The following LONP2 variants were observed in gnomAD, a reference collection of about 807,000 sequenced individuals.
The protein encoded by LONP2 is lon peptidase 2, peroxisomal.
Under a neutral mutation model 85.6 loss-of-function variants are expected in LONP2, and 60 were observed. The observed-to-expected ratio is 0.70, with a 90% CI of 0.57 to 0.87. The LOEUF (loss-of-function observed/expected upper bound fraction) is 0.87, where lower values mean the gene tolerates loss of function less well. Ranked by LOEUF, LONP2 falls within the 40% of genes least tolerant of loss-of-function variation. LONP2 has a pLI of 0.00. For missense variants in LONP2, 860 were observed against 1,063.5 expected (o/e 0.81, Z 2.66); for synonymous variants, 395 against 389.7 (o/e 1.01, Z -0.16).
At chr16:48,250,748 G>A (rs1971623974) in intron 1 of LONP2, among the ~76,000 whole-genome samples, 1 of 152,180 alleles carries the variant, frequency 6.6e-6, no homozygotes, top group South Asian at 2.1e-4. Context: ...TTATGTTTAA[G>A]TTATTCTCTA....
In LONP2 at chr16:48,258,869, A is replaced by G. The variant is rs1487144355; in HGVS notation, c.723+129A>G. On this transcript the variant is annotated intron_variant, in intron 4 of 14. Transcript: ENST00000285737. ...GATAAAATTTAGGTGTTTCCCTCTC[A>G]TCCTTTTCTTTGCCTGGATTTTTTT... 1.8e-5 allele frequency: 15 copies of G among 842,960 alleles called. No homozygotes were observed. In the South Asian group the frequency reaches 3.9e-4, roughly 22 times the overall value. 52.2% of individuals were successfully genotyped at this position (842,960 alleles called of 1,614,324 possible). A position where few individuals can be genotyped will look rare whatever the true frequency, so the allele number is the denominator to read the frequency against.
rs186395484 is a variant in LONP2 at position 48,353,117 on chromosome 16, T to G, written c.*1315T>G. ...CAATGTATAGTAATATTAAGCAATT[T>G]CTAGTTATTATTCTAGCCAGTAATG... On this transcript the variant is annotated 3_prime_UTR_variant, in exon 15 of 15. Coordinates refer to ENST00000285737, the MANE Select transcript of LONP2 (RefSeq NM_031490.5). The G allele has an allele frequency of 6.6e-6, 1 of 152,202 alleles. No homozygotes were observed. The highest frequency in any genetic ancestry group is 2.4e-5 in the African/African-American group (1 of 41,452). The allele number at this position is 152,202 out of a possible 1,614,324, so 9.4% of individuals were successfully genotyped here. A position where few individuals can be genotyped will look rare whatever the true frequency, so the allele number is the denominator to read the frequency against.
intron 11 of LONP2, among the ~76,000 whole-genome samples, chr16:48,322,339 T>C (rs1300858599): frequency 3.9e-5 from 6 of 152,180 alleles, no homozygotes; most frequent in African/African-American, 1.2e-4. Context: ...AAAAATTGTT[T>C]TACTTTTTAA....
At chr16:48,320,902 T>G (rs1312248516) in intron 11 of LONP2, among the ~76,000 whole-genome samples, 1 of 152,236 alleles carries the variant, frequency 6.6e-6, no homozygotes, top group East Asian at 1.9e-4. Context: ...CAAATAATTA[T>G]AAAGTCATCA....
intron 11 of LONP2, among the ~76,000 whole-genome samples, chr16:48,303,811 C>T (rs987710824): frequency 1.1e-4 from 16 of 152,256 alleles, no homozygotes; most frequent in Admixed American, 7.8e-4. Context: ...TGAAGAACTT[C>T]GAGTCCAATA....
chr16:48,271,590 G>C (rs1177646542), intron 7 of LONP2, among the ~76,000 whole-genome samples: 1 of 152,044 alleles, frequency 6.6e-6, no homozygotes, highest in African/African-American at 2.4e-5. Context: ...CATTTAAAAA[G>C]TATCATTACT....
chr16:48,350,109 G>A (rs1431339547), intron 14 of LONP2, among the ~76,000 whole-genome samples: 1 of 152,194 alleles, frequency 6.6e-6, no homozygotes, highest in Non-Finnish European at 1.5e-5. Context: ...AAGGAGGCTG[G>A]GTGTGGTGGC....
chr16:48,263,675 G>A (rs1416330832), intron 6 of LONP2, among the ~76,000 whole-genome samples: 1 of 152,206 alleles, frequency 6.6e-6, no homozygotes, highest in Non-Finnish European at 1.5e-5. Flanking sequence ...CGGAAGTGCA[G>A]ATAACTCTTT....
intron 12 of LONP2, among the ~76,000 whole-genome samples, chr16:48,337,419 G>T (rs970449997): frequency 6.6e-6 from 1 of 152,190 alleles, no homozygotes. Flanking sequence ...CAGGCACTGT[G>T]TAAGGCCCTC....
In LONP2 at chr16:48,357,262, ACT is replaced by A. The variant is rs1491210355; in HGVS notation, c.*5461_*5462del. ...CAGGCAGTTAGAATCTACAACCCACACTGTTTGCCACCAAATCTTAGTAGATG... is the reference window on the plus strand; with the variant it reads ...CAGGCAGTTAGAATCTACAACCCACAGTTTGCCACCAAATCTTAGTAGATG... On this transcript the variant is annotated 3_prime_UTR_variant, in exon 15 of 15. Transcript: ENST00000285737. 2.0e-5 allele frequency: 3 copies of A among 151,970 alleles called. No homozygotes were observed. Among genetic ancestry groups the A allele is most frequent in the Admixed American group, 1.3e-4 (2 of 15,288 alleles). The allele number at this position is 151,970 out of a possible 1,614,324, so 9.4% of individuals were successfully genotyped here. A position where few individuals can be genotyped will look rare whatever the true frequency, so the allele number is the denominator to read the frequency against.
In LONP2 at chr16:48,334,196, T is replaced by C. The variant is rs1959563598; in HGVS notation, c.1796-20T>C. The C allele has an allele frequency of 1.2e-6, 2 of 1,609,284 alleles. No individual in the cohort carries two copies. Among genetic ancestry groups the C allele is most frequent in the Non-Finnish European group, 1.7e-6 (2 of 1,177,628 alleles). On this transcript the variant is annotated intron_variant, in intron 11 of 14. Coordinates refer to ENST00000285737, the MANE Select transcript of LONP2 (RefSeq NM_031490.5). ...CTGCAAATCTCTTAGAACTTCTAAATACATTTTTTTTTCTTTTAGGTTGCA... is the reference window on the plus strand; with the variant it reads ...CTGCAAATCTCTTAGAACTTCTAAACACATTTTTTTTTCTTTTAGGTTGCA...
intron 12 of LONP2, among the ~76,000 whole-genome samples, chr16:48,335,274 G>C (rs1369743545): frequency 6.6e-6 from 1 of 152,192 alleles, no homozygotes; most frequent in Non-Finnish European, 1.5e-5. Flanking sequence ...CTTAGCTTCA[G>C]ACTGTGCTAG....
At chr16:48,281,736 C>G (rs574225149) in intron 8 of LONP2, among the ~76,000 whole-genome samples, 13 of 152,240 alleles carry the variant, frequency 8.5e-5, no homozygotes, top group Middle Eastern at 6.8e-3. Flanking sequence ...AGAGAAGTCA[C>G]TAGTCTAGAT....
intron 11 of LONP2, among the ~76,000 whole-genome samples, chr16:48,311,200 T>C (rs1973022777): frequency 6.6e-6 from 1 of 152,204 alleles, no homozygotes; most frequent in South Asian, 2.1e-4. Flanking sequence ...CTAGATCCTT[T>C]GCTAGACTAG....
At chr16:48,334,427 C>T (rs1959575043) in intron 12 of LONP2, 69 bp downstream of exon 12, 30 of 1,591,096 alleles carry the variant, frequency 1.9e-5, no homozygotes, top group Middle Eastern at 1.7e-4. Context: ...GCCCCAGGGC[C>T]GTAGGGCCTG....
intron 2 of LONP2, 151 bp downstream of exon 2, chr16:48,252,516 T>A: frequency 2.0e-6 from 1 of 498,644 alleles, no homozygotes; most frequent in Non-Finnish European, 3.5e-6. Context: ...TTTACTCTTA[T>A]CTGGGGTTGT....
At chr16:48,283,829 T>C (rs1972380375) in intron 8 of LONP2, among the ~76,000 whole-genome samples, 1 of 152,168 alleles carries the variant, frequency 6.6e-6, no homozygotes, top group South Asian at 2.1e-4. Flanking sequence ...TTTAAGGCTA[T>C]TGCTCCCATA....
Position 48,354,944 on chromosome 16 carries a change from CAAAA to C in LONP2, c.*3144_*3147del, listed in dbSNP as rs1387399787. The stretch of plus-strand genomic sequence containing the variant: ...TGACCTATCAAGGTGTTTTGTCAAA[CAAAA>C]ACTAATACTTTCCCTGGGAAAAAGC... On this transcript the variant is annotated 3_prime_UTR_variant, in exon 15 of 15. Coordinates refer to ENST00000285737, the MANE Select transcript of LONP2 (RefSeq NM_031490.5). 6.6e-6 allele frequency: 1 copy of C among 152,146 alleles called. No individual in the cohort carries two copies. Among genetic ancestry groups the C allele is most frequent in the Non-Finnish European group, 1.5e-5 (1 of 68,010 alleles). The allele number at this position is 152,146 out of a possible 1,614,324, so 9.4% of individuals were successfully genotyped here.
At chr16:48,253,456 C>T (rs1285152714) in intron 2 of LONP2, among the ~76,000 whole-genome samples, 3 of 148,922 alleles carry the variant, frequency 2.0e-5, no homozygotes, top group Non-Finnish European at 4.4e-5. Context: ...GGCAACAGAG[C>T]GAGACCCTGA....
Sources: allele counts gnomAD v4.1 joint callset (sites outside exome capture counted in the v4.1 genomes callset), GRCh38; gene constraint gnomAD v4.1.1; transcripts MANE v1.5; gene names NCBI Gene and HGNC (gene_info 2026-07-23, HGNC 2026-07-21).